CNTNAP5: variants seen among roughly 807,000 people sequenced by gnomAD.
CNTNAP5 encodes the protein contactin-associated protein-like 5.
In CNTNAP5, 72 loss-of-function variants were observed where a neutral mutation model predicts 150.2. The observed-to-expected ratio is 0.48, with a 90% CI of 0.40 to 0.58. The LOEUF is 0.58. CNTNAP5 is among the 20% of genes least tolerant of loss of function. The pLI is 0.00. For missense variants in CNTNAP5, 1,636 were observed against 1,626.2 expected (o/e 1.01, Z -0.10); for synonymous variants, 672 against 619.8 (o/e 1.08, Z -1.25).
At chr2:124,424,947 A>ATTTGACTGGCGATATTGCTATTATTCCTG (rs1310493029) in intron 4 of CNTNAP5, among the ~76,000 whole-genome samples, 3 of 152,204 alleles carry the variant, frequency 2.0e-5, no homozygotes, top group African/African-American at 7.2e-5. Flanking sequence ...CCAGTATGTG[A>ATTTGACTGGCGATATTGCTATTATTCCTG]TTTGACTGGC....
intron 19 of CNTNAP5, among the ~76,000 whole-genome samples, chr2:124,834,202 T>G (rs1481867342): frequency 6.6e-6 from 1 of 152,200 alleles, no homozygotes; most frequent in East Asian, 1.9e-4. Context: ...TACCCTGCTC[T>G]TAAATTTGTT....
intron 6 of CNTNAP5, among the ~76,000 whole-genome samples, chr2:124,467,456 T>C (rs1693403505): frequency 6.6e-6 from 1 of 152,260 alleles, no homozygotes; most frequent in African/African-American, 2.4e-5. Flanking sequence ...AAATCTTCCA[T>C]AGTGGTAATT....
chr2:124,437,051 A>G (rs1384446728), intron 5 of CNTNAP5, among the ~76,000 whole-genome samples: 3 of 152,158 alleles, frequency 2.0e-5, no homozygotes, highest in Non-Finnish European at 4.4e-5. Flanking sequence ...CACTAAGCAA[A>G]GGGGAGTGGT....
intron 11 of CNTNAP5, among the ~76,000 whole-genome samples, chr2:124,571,589 G>A (rs1027151679): frequency 1.1e-5 from 1 of 93,550 alleles, no homozygotes; most frequent in Non-Finnish European, 2.1e-5. Context: ...CTAGAGTGCA[G>A]TGGTGCGATC....
chr2:124,451,718 C>G (rs1692986393), intron 6 of CNTNAP5, among the ~76,000 whole-genome samples: 1 of 152,070 alleles, frequency 6.6e-6, no homozygotes, highest in Non-Finnish European at 1.5e-5. Context: ...TGCGAGTGCC[C>G]AAACTGTGGA....
At chr2:124,246,786 C>T (rs1023574505) in intron 3 of CNTNAP5, among the ~76,000 whole-genome samples, 16 of 152,104 alleles carry the variant, frequency 1.1e-4, no homozygotes, top group Admixed American at 8.5e-4. Flanking sequence ...CTCAGCTATT[C>T]ATCACATAGC....
intron 1 of CNTNAP5, among the ~76,000 whole-genome samples, chr2:124,059,750 C>T (rs776520750): frequency 1.6e-4 from 24 of 152,006 alleles, no homozygotes; most frequent in Non-Finnish European, 2.2e-4. Flanking sequence ...TTGGCATCAG[C>T]GTAGAGTTTT....
intron 8 of CNTNAP5, among the ~76,000 whole-genome samples, chr2:124,514,681 G>A (rs1694666209): frequency 6.6e-6 from 1 of 152,192 alleles, no homozygotes; most frequent in South Asian, 2.1e-4. Flanking sequence ...GGATAGGTGA[G>A]AAAGGGAAGA....
intron 19 of CNTNAP5, among the ~76,000 whole-genome samples, chr2:124,863,716 G>A (rs940080256): frequency 4.6e-5 from 7 of 152,302 alleles, no homozygotes; most frequent in Non-Finnish European, 7.4e-5. Context: ...CTGGGGATCA[G>A]TCAGGGACAC....
In CNTNAP5 at chr2:124,764,109, A is replaced by G. The variant is rs1681017755; in HGVS notation, c.2495A>G (p.Asn832Ser). 4 of 1,613,160 alleles carry G rather than the reference A, an allele frequency of 2.5e-6. No homozygotes were observed. The highest frequency in any genetic ancestry group is 3.4e-6 in the Non-Finnish European group (4 of 1,179,324). Reference sequence around the variant, plus strand: ...GCATTATCCGGAGTTTTCCTAGAAAATCTTGGCATTAAAGACTTCATTCGA... The same window carrying G: ...GCATTATCCGGAGTTTTCCTAGAAAGTCTTGGCATTAAAGACTTCATTCGA... The part of the protein sequence containing the change: ...TTALSGVFLE[N>S]LGIKDFIRLE... Residue 832 changes from asparagine to serine, a missense_variant, in exon 16 of 24, where the codon AAT becomes AGT. By Grantham distance (46) the Asn-to-Ser change is conservative. Coordinates refer to ENST00000682447, the MANE Select transcript of CNTNAP5 (RefSeq NM_001367498.1).
rs139617793 is a variant in CNTNAP5 at position 124,397,093 on chromosome 2, G to T, written c.382-20350G>T. On this transcript the variant is annotated intron_variant, in intron 3 of 23. Transcript: ENST00000682447. Reference sequence around the variant, plus strand: ...TTCTGTGTGGAAGAAAAAATTAGGTGACACTCTTGTGGATAGGAGAGGCCA... The same window carrying T: ...TTCTGTGTGGAAGAAAAAATTAGGTTACACTCTTGTGGATAGGAGAGGCCA... Among the ~76,000 whole-genome samples the T allele has an allele frequency of 1.4e-3, 218 of 152,296 alleles. 2 individuals carry two copies. Among genetic ancestry groups the T allele is most frequent in the African/African-American group, 5.0e-3 (206 of 41,572 alleles).
At chr2:124,287,995 C>A (rs1188716529) in intron 3 of CNTNAP5, among the ~76,000 whole-genome samples, 1 of 152,104 alleles carries the variant, frequency 6.6e-6, no homozygotes, top group Non-Finnish European at 1.5e-5. Context: ...AATAACGCAA[C>A]CTTGGCTCAC....
At chr2:124,142,285 C>T (rs1431686209) in intron 1 of CNTNAP5, among the ~76,000 whole-genome samples, 33 of 125,790 alleles carry the variant, frequency 2.6e-4, no homozygotes, top group African/African-American at 6.7e-4. Context: ...CTGCACCAAG[C>T]GGACCTAATA....
chr2:124,578,972 G>A (rs1696353863), intron 11 of CNTNAP5, among the ~76,000 whole-genome samples: 1 of 151,984 alleles, frequency 6.6e-6, no homozygotes, highest in South Asian at 2.1e-4. Flanking sequence ...CACACTCAAG[G>A]GATACACTTT....
At chr2:124,734,895 C>T (rs1022811384) in intron 13 of CNTNAP5, among the ~76,000 whole-genome samples, 2 of 151,994 alleles carry the variant, frequency 1.3e-5, no homozygotes, top group Non-Finnish European at 2.9e-5. Flanking sequence ...AAGTTCAAAC[C>T]TTGTAATTAG....
intron 1 of CNTNAP5, among the ~76,000 whole-genome samples, chr2:124,145,835 A>AAAAAAAAAG (rs1558773966): frequency 2.8e-4 from 14 of 49,784 alleles, no homozygotes; most frequent in South Asian, 9.7e-4. Context: ...AAAAGAAGAA[A>AAAAAAAAAG]AAAAAAAAAA....
chr2:124,310,661 A>G (rs539542365), intron 3 of CNTNAP5, among the ~76,000 whole-genome samples: 10 of 151,760 alleles, frequency 6.6e-5, no homozygotes, highest in East Asian at 5.8e-4. Flanking sequence ...CAATGTTCCT[A>G]TTAGAAGGTT....
intron 1 of CNTNAP5, among the ~76,000 whole-genome samples, chr2:124,205,176 C>A (rs1161627877): frequency 6.6e-6 from 1 of 152,016 alleles, no homozygotes; most frequent in Non-Finnish European, 1.5e-5. Flanking sequence ...TCATGGAAGA[C>A]ACCCAGCAGG....
chr2:124,598,865 G>C (rs901442232), intron 11 of CNTNAP5, among the ~76,000 whole-genome samples: 1 of 152,124 alleles, frequency 6.6e-6, no homozygotes, highest in Non-Finnish European at 1.5e-5. Flanking sequence ...TTTTTAAGCC[G>C]GTCTGAAAAG....
Sources: allele counts gnomAD v4.1 joint callset (sites outside exome capture counted in the v4.1 genomes callset), GRCh38; gene constraint gnomAD v4.1.1; transcripts MANE v1.5; gene names NCBI Gene and HGNC (gene_info 2026-07-23, HGNC 2026-07-21).